SLC26A7: variants seen among roughly 807,000 people sequenced by gnomAD.
SLC26A7 encodes the protein anion exchange transporter.
A neutral mutation model predicts 82.5 loss-of-function variants in SLC26A7; 59 were observed. That is an observed-to-expected ratio of 0.72 (90% CI 0.58 to 0.89). SLC26A7 has a LOEUF of 0.89. SLC26A7 is among the 40% of genes least tolerant of loss of function. SLC26A7 has a pLI of 0.00. For missense variants in SLC26A7, 820 were observed against 793.0 expected (o/e 1.03, Z -0.41); for synonymous variants, 271 against 274.3 (o/e 0.99, Z 0.12).
At chr8:91,283,801 A>G (rs962286832) in intron 2 of SLC26A7, among the ~76,000 whole-genome samples, 1 of 152,228 alleles carries the variant, frequency 6.6e-6, no homozygotes, top group African/African-American at 2.4e-5. Context: ...TTTTATTCAT[A>G]TGAAATATCT....
At chr8:91,212,420 GATGTA>G (rs1027585024) in intron 1 of SLC26A7, among the ~76,000 whole-genome samples, 1 of 152,102 alleles carries the variant, frequency 6.6e-6, no homozygotes, top group African/African-American at 2.4e-5. Flanking sequence ...TGTATTAAAT[GATGTA>G]ATGTAATTAA....
chr8:91,384,206 C>T (rs117305882), intron 15 of SLC26A7, among the ~76,000 whole-genome samples: 1 of 152,108 alleles, frequency 6.6e-6, no homozygotes, highest in Non-Finnish European at 1.5e-5. Flanking sequence ...TAGAGGAGAA[C>T]TCATATCCTT....
chr8:91,331,564 A>G (rs1192812460), intron 5 of SLC26A7, among the ~76,000 whole-genome samples: 3 of 152,162 alleles, frequency 2.0e-5, no homozygotes, highest in Admixed American at 6.6e-5. Context: ...AGAGCAGTTC[A>G]AAAGTGTTTA....
At chr8:91,297,621 C>T (rs752544386) in intron 4 of SLC26A7, among the ~76,000 whole-genome samples, 37 of 152,190 alleles carry the variant, frequency 2.4e-4, no homozygotes, top group Non-Finnish European at 4.7e-4. Flanking sequence ...ATGTGACTTA[C>T]GTTTTAGCCA....
chr8:91,217,164 G>A (rs1205032450), intron 1 of SLC26A7, among the ~76,000 whole-genome samples: 1 of 152,080 alleles, frequency 6.6e-6, no homozygotes, highest in Non-Finnish European at 1.5e-5. Flanking sequence ...TAGAGGCAGG[G>A]ATTGTTTGCT....
chr8:91,225,490 C>T (rs1810221067), intron 2 of SLC26A7, among the ~76,000 whole-genome samples: 1 of 151,728 alleles, frequency 6.6e-6, no homozygotes, highest in Non-Finnish European at 1.5e-5. Context: ...GTCTTGCCAG[C>T]CTTCTAGTCA....
chr8:91,314,577 T>C (rs1490749762), intron 4 of SLC26A7, among the ~76,000 whole-genome samples: 1 of 152,182 alleles, frequency 6.6e-6, no homozygotes, highest in Admixed American at 6.5e-5. Flanking sequence ...TTGTCTTGGG[T>C]CTTGAAGAAG....
intron 15 of SLC26A7, among the ~76,000 whole-genome samples, chr8:91,375,745 G>GT (rs1425376998): frequency 6.7e-6 from 1 of 149,016 alleles, no homozygotes; most frequent in African/African-American, 2.5e-5. Flanking sequence ...TCTCACATGT[G>GT]TTTTCTTAAT....
At chr8:91,307,872 A>T (rs7836201) in intron 4 of SLC26A7, among the ~76,000 whole-genome samples, 3 of 151,880 alleles carry the variant, frequency 2.0e-5, no homozygotes, top group Admixed American at 6.6e-5. Context: ...CAATTTTTAA[A>T]TTTTTTTGTA....
chr8:91,273,988 T>C (rs1326076250), intron 2 of SLC26A7, among the ~76,000 whole-genome samples: 1 of 152,236 alleles, frequency 6.6e-6, no homozygotes, highest in Non-Finnish European at 1.5e-5. Context: ...AATTAAGAAC[T>C]GTCAGGAAGA....
chr8:91,239,304 A>C (rs2130683268), intron 2 of SLC26A7, among the ~76,000 whole-genome samples: 1 of 148,056 alleles, frequency 6.8e-6, no homozygotes, highest in South Asian at 2.1e-4. Context: ...CGGGAGGCGG[A>C]GCTCACAGTG....
intron 15 of SLC26A7, among the ~76,000 whole-genome samples, chr8:91,381,735 T>TTA (rs1443546164): frequency 6.6e-6 from 1 of 152,132 alleles, no homozygotes; most frequent in East Asian, 1.9e-4. Context: ...CCTCCAAAGT[T>TTA]TCCTCAGTCC....
intron 2 of SLC26A7, chr8:91,219,293 C>T (rs1328540945): frequency 4.4e-6 from 1 of 226,598 alleles, no homozygotes; most frequent in Non-Finnish European, 8.5e-6. Context: ...CTACCACTCC[C>T]CTTTTTCTAG....
Position 91,249,832 on chromosome 8 carries a change from C to G in SLC26A7, c.181C>G (p.Gln61Glu). 7 of 1,602,564 alleles carry G rather than the reference C, an allele frequency of 4.4e-6. No individual in the cohort carries two copies. The South Asian group carries it at 7.9e-5, about 18-fold the overall frequency. ...GTCTGGGATAATGTTGGCAGTTCAA[C>G]AGGTGACCCAAGGTAATGTATTGCA... Reference protein sequence around the residue: ...TVSGIMLAVQQVTQGLAFAVL... With the variant: ...TVSGIMLAVQEVTQGLAFAVL... The change falls in exon 2 of 19, where the codon CAG becomes GAG. Residue 61 changes from glutamine (Q) to glutamate (E), a missense_variant. Physicochemically the swap from Gln to Glu is conservative, Grantham distance 29 (BLOSUM62 2). Coordinates refer to ENST00000276609, the MANE Select transcript of SLC26A7 (RefSeq NM_052832.4).
chr8:91,354,741 A>G (rs1813814424), intron 11 of SLC26A7, among the ~76,000 whole-genome samples: 1 of 152,086 alleles, frequency 6.6e-6, no homozygotes, highest in Non-Finnish European at 1.5e-5. Context: ...AAGATATTGT[A>G]TTTGTTAGTC....
In SLC26A7 at chr8:91,334,466, T is replaced by C. The variant is rs780664117; in HGVS notation, c.795+19T>C. 6.2e-7 allele frequency: 1 copy of C among 1,600,676 alleles called. No individual in the cohort carries two copies. ...AGTTTTGGTAAGTATAAAATCAACA[T>C]TTAGCTTTTTGCCATGCAAAGCTTT... On this transcript the variant is annotated intron_variant, in intron 6 of 18. Transcript: ENST00000276609.
At chr8:91,365,295 A>G (rs1188637384) in intron 13 of SLC26A7, among the ~76,000 whole-genome samples, 1 of 152,206 alleles carries the variant, frequency 6.6e-6, no homozygotes, top group Non-Finnish European at 1.5e-5. Context: ...CACTAACACT[A>G]ATGATAGTTG....
intron 2 of SLC26A7, among the ~76,000 whole-genome samples, chr8:91,257,816 G>A (rs192072200): frequency 6.6e-6 from 1 of 152,078 alleles, no homozygotes; most frequent in African/African-American, 2.4e-5. Flanking sequence ...CAGTGTATTA[G>A]TCCATTCTCA....
rs987461324 is a variant in SLC26A7 at position 91,230,119 on chromosome 8, T to C, written c.-34+11114T>C. Among the ~76,000 whole-genome samples, 4 of 152,346 alleles carry C rather than the reference T, an allele frequency of 2.6e-5. No homozygotes were observed. The Middle Eastern group carries it at 0.01, about 389-fold the overall frequency. On this transcript the variant is annotated intron_variant, in intron 2 of 5. Coordinates refer to the SLC26A7 transcript ENST00000522862. ...ATAATGGTTTCAAGATTCATCCATA[T>C]TGTTGCATATATCACGAGTGTGTTC...
Sources: gnomAD v4.1 joint callset for allele counts (sites outside exome capture counted in the v4.1 genomes callset) on GRCh38, gnomAD v4.1.1 for gene constraint, MANE v1.5 for transcripts, NCBI Gene and HGNC (gene_info 2026-07-23, HGNC 2026-07-21) for gene names.